TSC2: variants seen among roughly 807,000 people sequenced by gnomAD.
TSC2 encodes the protein tuberin.
TSC2 carries 29 observed loss-of-function variants against 202.2 expected under a neutral mutation model. The observed-to-expected ratio is 0.14, with a 90% CI of 0.11 to 0.20. TSC2 has a LOEUF of 0.20. TSC2 is among the 10% of genes least tolerant of loss of function. The pLI, the probability that TSC2 is intolerant of heterozygous loss-of-function variation, is 1.00. For synonymous variants in TSC2, 1,349 were observed against 1,044.0 expected (o/e 1.29, Z -5.63); for missense variants, 2,429 against 2,420.0 (o/e 1.00, Z -0.08).
chr16:2,048,875 T>A, intron 2 of TSC2, 122 bp downstream of exon 2: 2 of 1,423,126 alleles, frequency 1.4e-6, no homozygotes, highest in Non-Finnish European at 2.0e-6. Flanking sequence ...GAATGCTGTC[T>A]CCAGTACTTG....
intron 33 of TSC2, among the ~76,000 whole-genome samples, 157 bp downstream of exon 33, chr16:2,083,973 G>T (rs564106049): frequency 6.6e-6 from 1 of 152,360 alleles, no homozygotes; most frequent in African/African-American, 2.4e-5. Context: ...GCACTTTGCA[G>T]CCATCCACCT....
chr16:2,071,381 G>C, intron 17 of TSC2, 129 bp from the exon 18 acceptor site: 4 of 847,734 alleles, frequency 4.7e-6, no homozygotes, highest in Non-Finnish European at 7.8e-6. Flanking sequence ...GGATGTGGGT[G>C]TGTGCACATC....
chr16:2,074,702 G>A, intron 22 of TSC2: 1 of 452,576 alleles, frequency 2.2e-6, no homozygotes, highest in Admixed American at 3.4e-5. Flanking sequence ...GCTTCAGGGG[G>A]GCTTTGTTCG....
rs760755935 is a variant in TSC2, at chr16:2,081,686, C to T, written c.3702C>T (p.Ala1234=). Residue 1234 remains alanine, a synonymous_variant, in exon 31 of 42, where the codon GCC becomes GCT. Coordinates refer to ENST00000219476, the MANE Select transcript of TSC2 (RefSeq NM_000548.5). ...NNMPLQELSN[A]LMAAERFKEH... Reference sequence around the variant, plus strand: ...TGCCCCTGCAGGAGCTGTCTAACGCCCTCATGGCGGCTGAGCGCTTCAAGG... The same window carrying T: ...TGCCCCTGCAGGAGCTGTCTAACGCTCTCATGGCGGCTGAGCGCTTCAAGG... 5.6e-6 allele frequency: 9 copies of T among 1,613,010 alleles called. No individual in the cohort carries two copies. The South Asian group carries it at 8.8e-5, about 16-fold the overall frequency.
At chr16:2,062,731 C>T in intron 13 of TSC2, 131 bp downstream of exon 13, 1 of 1,084,748 alleles carries the variant, frequency 9.2e-7, no homozygotes, top group African/African-American at 1.6e-5. Flanking sequence ...AGCCCTGGCT[C>T]TGGGTGAGCA....
At position 2,083,678 on chromosome 16, in the gene TSC2, C is replaced by T. The variant is rs45517317; in HGVS notation, c.3884-17C>T. Reference sequence around the variant, plus strand: ...GGCCCAGCCCCACATCCAGCAGCCCCGTCTGTGTCCTCCCAGACTCCGCCG... The same window carrying T: ...GGCCCAGCCCCACATCCAGCAGCCCTGTCTGTGTCCTCCCAGACTCCGCCG... On this transcript the variant is annotated splice_polypyrimidine_tract_variant and intron_variant, in intron 32 of 41. Transcript: ENST00000219476. 8.9e-6 allele frequency: 14 copies of T among 1,569,716 alleles called. No individual in the cohort carries two copies. Among genetic ancestry groups the T allele is most frequent in the South Asian group, 3.5e-5 (3 of 85,576 alleles).
intron 20 of TSC2, 102 bp from the exon 21 acceptor site, chr16:2,072,747 C>T (rs1208947865): frequency 2.5e-6 from 4 of 1,589,518 alleles, no homozygotes; most frequent in Non-Finnish European, 3.4e-6. Flanking sequence ...AGCCCCTTTG[C>T]CCCCTTTCCT....
intron 13 of TSC2, 158 bp downstream of exon 13, chr16:2,062,758 C>G: frequency 1.0e-6 from 1 of 953,340 alleles, no homozygotes; most frequent in Admixed American, 2.1e-5. Context: ...AGCTTGCTTT[C>G]CAGTCCAGCA....
chr16:2,082,452 C>T lies in TSC2; in HGVS notation c.3831C>T (p.Ser1277=), dbSNP rs1266946189. 8 of 1,612,556 alleles carry T rather than the reference C, an allele frequency of 5.0e-6. No homozygotes were observed. In the South Asian group the frequency reaches 8.8e-5, roughly 18 times the overall value. ...CCCTTGCAGTGGCCTCTTTCTCCTC[C>T]CTGTACCAGTCCAGCTGCCAAGGAC... ...PRSNTVASFS[S]LYQSSCQGQL... is the part of the protein sequence containing the mutation. Residue 1277 remains serine, a synonymous_variant, in exon 32 of 42, where the codon TCC becomes TCT. Coordinates refer to ENST00000219476, the MANE Select transcript of TSC2 (RefSeq NM_000548.5).
intron 17 of TSC2, among the ~76,000 whole-genome samples, chr16:2,070,841 G>A (rs779395340): frequency 2.9e-4 from 44 of 152,322 alleles, no homozygotes; most frequent in Admixed American, 1.6e-3. Flanking sequence ...GGCGACTTCC[G>A]GGGCAGTGCA....
chr16:2,064,492 C>T, intron 15 of TSC2, 65 bp downstream of exon 15: 1 of 1,607,578 alleles, frequency 6.2e-7, no homozygotes, highest in Non-Finnish European at 8.5e-7. Context: ...GCAATGGCCT[C>T]TGGGCCCTCT....
intron 16 of TSC2, among the ~76,000 whole-genome samples, chr16:2,067,047 T>C (rs559991058): frequency 6.6e-6 from 1 of 152,324 alleles, no homozygotes; most frequent in African/African-American, 2.4e-5. Context: ...ATGAATCAGT[T>C]TGCTCAAAAG....
intron 7 of TSC2, 100 bp downstream of exon 7, chr16:2,056,344 G>T (rs2085813083): frequency 1.3e-6 from 2 of 1,525,164 alleles, no homozygotes; most frequent in Non-Finnish European, 9.0e-7. Flanking sequence ...TGGCTGTGTA[G>T]CCCTGGGCAA....
At chr16:2,078,325 G>T (rs892746957) in intron 26 of TSC2, 23 of 164,448 alleles carry the variant, frequency 1.4e-4, no homozygotes, top group Middle Eastern at 6.1e-3. Flanking sequence ...GGCACTGGCA[G>T]AGGGGATACC....
At chr16:2,075,428 G>A (rs1206826686) in intron 22 of TSC2, among the ~76,000 whole-genome samples, 1 of 149,420 alleles carries the variant, frequency 6.7e-6, no homozygotes, top group African/African-American at 2.5e-5. Context: ...TTGGGAGGCT[G>A]AGGCAGGAGA....
At chr16:2,075,602 G>C (rs1280363708) in intron 22 of TSC2, among the ~76,000 whole-genome samples, 197 bp from the exon 23 acceptor site, 2 of 150,876 alleles carry the variant, frequency 1.3e-5, no homozygotes, top group Non-Finnish European at 2.9e-5. Context: ...GCGACAGCTC[G>C]AATTGGCCCA....
chr16:2,082,315 G>A (rs894780441), intron 31 of TSC2, 121 bp from the exon 32 acceptor site: 16 of 1,156,138 alleles, frequency 1.4e-5, no homozygotes, highest in Admixed American at 3.4e-5. Context: ...CCCCGTGCGC[G>A]CCCCTGCCGG....
rs199964793 is a variant in TSC2 at position 2,065,650 on chromosome 16, C to G, written c.1716+15C>G. 7 of 1,608,650 alleles carry G rather than the reference C, an allele frequency of 4.4e-6. No homozygotes were observed. The African/African-American group carries it at 6.7e-5, about 15-fold the overall frequency. On this transcript the variant is annotated intron_variant, in intron 16 of 41. Coordinates refer to ENST00000219476, the MANE Select transcript of TSC2 (RefSeq NM_000548.5). ...TCATCCTTCAGGTGGGTGTTCTGCA[C>G]GAGGCCTCTGCTCCCGGGGCGCGCA...
At position 2,065,500 on chromosome 16, in the gene TSC2, C is replaced by G. The variant is rs1397268426; in HGVS notation, c.1600-19C>G. On this transcript the variant is annotated intron_variant, in intron 15 of 41. Coordinates refer to ENST00000219476, the MANE Select transcript of TSC2 (RefSeq NM_000548.5). ...CAGAACCATGAGCCTGTGTGTAAGTCCTGGCCTTCTCTTCAAAGGTGATGG... is the reference window on the plus strand; with the variant it reads ...CAGAACCATGAGCCTGTGTGTAAGTGCTGGCCTTCTCTTCAAAGGTGATGG... The G allele has an allele frequency of 1.2e-6, 2 of 1,606,306 alleles. No homozygotes were observed. Among genetic ancestry groups the G allele is most frequent in the Non-Finnish European group, 1.7e-6 (2 of 1,174,150 alleles).
Sources: allele counts gnomAD v4.1 joint callset (sites outside exome capture counted in the v4.1 genomes callset), GRCh38; gene constraint gnomAD v4.1.1; transcripts MANE v1.5; gene names NCBI Gene and HGNC (gene_info 2026-07-23, HGNC 2026-07-21).